Variants in SORCS2 observed in about 807,000 individuals in gnomAD.
The protein encoded by SORCS2 is VPS10 domain-containing receptor SorCS2.
A neutral mutation model predicts 141.6 loss-of-function variants in SORCS2; 100 were observed. That is an observed-to-expected ratio of 0.71 (90% CI 0.60 to 0.83). SORCS2 has a LOEUF of 0.83. SORCS2 is among the 40% of genes least tolerant of loss of function. The pLI, the probability that SORCS2 is intolerant of heterozygous loss-of-function variation, is 0.00. For synonymous variants in SORCS2, 789 were observed against 676.9 expected, an observed-to-expected ratio of 1.17 and a Z score of -2.57; for missense variants, 1,646 against 1,560.2, an observed-to-expected ratio of 1.05 and a Z score of -0.93.
intron 1 of SORCS2, among the ~76,000 whole-genome samples, chr4:7,372,262 T>G (rs946483598): frequency 1.3e-5 from 2 of 152,174 alleles, no homozygotes; most frequent in Non-Finnish European, 2.9e-5. Context: ...TTCTTTAAAG[T>G]TAGGTTTATG....
At position 7,617,925 on chromosome 4, in the gene SORCS2, C is replaced by T. The variant is rs537338494; in HGVS notation, c.649-20403C>T. On this transcript the variant is annotated intron_variant, in intron 3 of 26. Coordinates refer to ENST00000507866, the MANE Select transcript of SORCS2 (RefSeq NM_020777.3). ...GCTGGGGCTTTCTTTCTGGGATTCGCAGTCAGGAGTGGGATGCTCGCCCAT... is the reference window on the plus strand; with the variant it reads ...GCTGGGGCTTTCTTTCTGGGATTCGTAGTCAGGAGTGGGATGCTCGCCCAT... 6.8e-3 allele frequency among the ~76,000 whole-genome samples: 1,038 copies of T among 152,184 alleles called. 12 individuals are homozygous for T. Among genetic ancestry groups the T allele is most frequent in the African/African-American group, 0.024 (990 of 41,514 alleles).
chr4:7,629,884 C>T (rs943834024), intron 3 of SORCS2, among the ~76,000 whole-genome samples: 15 of 152,154 alleles, frequency 9.9e-5, no homozygotes, highest in African/African-American at 3.4e-4. Context: ...GTCGGCCACC[C>T]TTTGACCCAA....
At chr4:7,600,656 TAC>T (rs57789330) in intron 3 of SORCS2, among the ~76,000 whole-genome samples, 34,647 of 140,522 alleles carry the variant, frequency 0.25, 4,270 homozygotes, top group East Asian at 0.3. Flanking sequence ...CATATATATA[TAC>T]ACACACACAC....
intron 3 of SORCS2, among the ~76,000 whole-genome samples, chr4:7,593,653 G>T (rs1433657801): frequency 6.6e-6 from 1 of 152,150 alleles, no homozygotes; most frequent in Non-Finnish European, 1.5e-5. Flanking sequence ...TGGCCAACCT[G>T]GGGGCGGGGG....
At chr4:7,451,709 G>T (rs932862856) in intron 2 of SORCS2, among the ~76,000 whole-genome samples, 3 of 152,254 alleles carry the variant, frequency 2.0e-5, no homozygotes, top group Non-Finnish European at 2.9e-5. Context: ...GGGGTGGTGG[G>T]GGGGCTATAG....
At chr4:7,559,498 G>A (rs1483098588) in intron 3 of SORCS2, among the ~76,000 whole-genome samples, 1 of 152,164 alleles carries the variant, frequency 6.6e-6, no homozygotes, top group Non-Finnish European at 1.5e-5. Flanking sequence ...GGACAGACAG[G>A]AGCTGATGGG....
chr4:7,724,256 TTGGTGA>T (rs1307439516), intron 19 of SORCS2, among the ~76,000 whole-genome samples: 1 of 144,374 alleles, frequency 6.9e-6, no homozygotes, highest in Non-Finnish European at 1.5e-5. Flanking sequence ...GACGTTGGTG[TTGGTGA>T]TGGTGATGAT....
intron 1 of SORCS2, among the ~76,000 whole-genome samples, chr4:7,205,627 T>G (rs1727688388): frequency 6.6e-6 from 1 of 152,220 alleles, no homozygotes; most frequent in South Asian, 2.1e-4. Context: ...GCCTACTTCA[T>G]AATGGAGGAA....
chr4:7,354,404 C>G (rs763173962), intron 1 of SORCS2, among the ~76,000 whole-genome samples: 1 of 151,500 alleles, frequency 6.6e-6, no homozygotes, highest in Non-Finnish European at 1.5e-5. Context: ...CCAAGAAAGA[C>G]CCCCCACCAC....
rs3733602 is a variant in SORCS2 at position 7,740,173 on chromosome 4, G to A, written c.3416-27G>A. The A allele has an allele frequency of 2.9e-3, 4,608 of 1,595,168 alleles. 163 individuals carry two copies. The East Asian group carries it at 0.084, about 29-fold the overall frequency. Reference sequence around the variant, plus strand: ...TCTCCAGTCCCGGGCTTGTGCTCACGGGACCTGCGTCTCTTCTGTTTCCTA... The same window carrying A: ...TCTCCAGTCCCGGGCTTGTGCTCACAGGACCTGCGTCTCTTCTGTTTCCTA... On this transcript the variant is annotated intron_variant, in intron 26 of 26. Coordinates refer to ENST00000507866, the MANE Select transcript of SORCS2 (RefSeq NM_020777.3).
intron 2 of SORCS2, among the ~76,000 whole-genome samples, chr4:7,438,796 C>G (rs896160597): frequency 1.3e-5 from 2 of 152,106 alleles, no homozygotes; most frequent in African/African-American, 2.4e-5. Flanking sequence ...CACTACCCCT[C>G]CCTCCTTTCC....
chr4:7,596,890 A>G (rs1479087685), intron 3 of SORCS2, among the ~76,000 whole-genome samples: 2 of 152,146 alleles, frequency 1.3e-5, no homozygotes, highest in East Asian at 3.9e-4. Context: ...CCACATTCAG[A>G]TCATGAAGGT....
chr4:7,604,253 GT>G (rs1717915776), intron 3 of SORCS2, among the ~76,000 whole-genome samples: 1 of 152,206 alleles, frequency 6.6e-6, no homozygotes, highest in African/African-American at 2.4e-5. Context: ...GATCATAGGG[GT>G]GGTTTCCCCC....
chr4:7,295,153 C>T (rs1348234193), intron 1 of SORCS2, among the ~76,000 whole-genome samples: 3 of 54,324 alleles, frequency 5.5e-5, no homozygotes, highest in Non-Finnish European at 1.1e-4. Context: ...TCTCCCTCCT[C>T]CTCCCTTTTA....
At chr4:7,614,391 C>T (rs1718619837) in intron 3 of SORCS2, among the ~76,000 whole-genome samples, 1 of 151,886 alleles carries the variant, frequency 6.6e-6, no homozygotes, top group African/African-American at 2.4e-5. Context: ...ACCTTTCCAC[C>T]ATCCACCCAT....
chr4:7,569,823 A>C (rs1208452218), intron 3 of SORCS2, among the ~76,000 whole-genome samples: 1 of 152,184 alleles, frequency 6.6e-6, no homozygotes, highest in South Asian at 2.1e-4. Flanking sequence ...CTTCTGCAAA[A>C]CTGTGAGGCA....
At chr4:7,268,738 A>G (rs1040197806) in intron 1 of SORCS2, among the ~76,000 whole-genome samples, 1 of 152,176 alleles carries the variant, frequency 6.6e-6, no homozygotes, top group African/African-American at 2.4e-5. Context: ...GAGGAGGAGC[A>G]GGGAGGGCTT....
rs972484337 is a variant in SORCS2 at position 7,663,898 on chromosome 4, C to G, written c.953-455C>G. On this transcript the variant is annotated intron_variant, in intron 6 of 26. Transcript: ENST00000507866. The surrounding 1 kb of genome is among the most constrained non-coding windows in gnomAD (Gnocchi z 4.8). ...GAACTTCAAATTAGCAGCTCCCTGA[C>G]AAAGCATGCATTCAGTATTGCTCAA... 2.7e-4 allele frequency among the ~76,000 whole-genome samples: 41 copies of G among 152,178 alleles called. No individual in the cohort carries two copies. The highest frequency in any genetic ancestry group is 7.7e-4 in the African/African-American group (32 of 41,430).
At position 7,525,811 on chromosome 4, in the gene SORCS2, C is replaced by G. The variant is rs1252122103; in HGVS notation, c.549-5719C>G. On this transcript the variant is annotated intron_variant, in intron 2 of 26. Transcript: ENST00000507866. Reference sequence around the variant, plus strand: ...CCTGTCCCCTCCTCATACCTGTTCCCTGCAGTCACCTGTCCCCTCAGTCAC... The same window carrying G: ...CCTGTCCCCTCCTCATACCTGTTCCGTGCAGTCACCTGTCCCCTCAGTCAC... Among the ~76,000 whole-genome samples, 3 of 126,276 alleles carry G rather than the reference C, an allele frequency of 2.4e-5. 1 individual carries two copies. Among genetic ancestry groups the G allele is most frequent in the Non-Finnish European group, 3.4e-5 (2 of 59,308 alleles). 82.8% of individuals were successfully genotyped at this position (126,276 alleles called of 152,430 possible).
Sources: gnomAD v4.1 joint callset for allele counts (sites outside exome capture counted in the v4.1 genomes callset) on GRCh38, gnomAD v4.1.1 for gene constraint, Gnocchi (gnomAD v3.1) non-coding constraint, MANE v1.5 for transcripts, NCBI Gene and HGNC (gene_info 2026-07-23, HGNC 2026-07-21) for gene names.